The following KCNQ5 variants were observed in gnomAD, a reference collection of about 807,000 sequenced individuals.
KCNQ5 encodes the protein potassium voltage-gated channel subfamily Q member 5, also known as potassium voltage-gated channel subfamily KQT member 5.
In KCNQ5, 30 loss-of-function variants were observed where a neutral mutation model predicts 98.2. The observed-to-expected ratio is 0.31, with a 90% confidence interval of 0.23 to 0.41. The LOEUF is 0.41. KCNQ5 is among the 10% of genes least tolerant of loss of function. The pLI is 1.00. For synonymous variants in KCNQ5, 458 were observed against 449.4 expected, an observed-to-expected ratio of 1.02 and a Z score of -0.24; for missense variants, 835 against 1,182.5, an observed-to-expected ratio of 0.71 and a Z score of 4.31.
intron 10 of KCNQ5, among the ~76,000 whole-genome samples, chr6:73,158,484 C>A (rs1416220428): frequency 6.6e-6 from 1 of 152,152 alleles, no homozygotes; most frequent in Non-Finnish European, 1.5e-5. Flanking sequence ...CCAGGCTGGT[C>A]TCGAACTCCT....
At chr6:73,093,421 C>T (rs970303745) in intron 5 of KCNQ5, among the ~76,000 whole-genome samples, 1 of 152,030 alleles carries the variant, frequency 6.6e-6, no homozygotes, top group Non-Finnish European at 1.5e-5. Flanking sequence ...CTGCTCTGAT[C>T]GTGGTTATTT....
intron 10 of KCNQ5, among the ~76,000 whole-genome samples, chr6:73,165,038 G>A (rs1168146357): frequency 1.3e-5 from 2 of 151,926 alleles, no homozygotes; most frequent in East Asian, 3.9e-4. Flanking sequence ...GAGTGAAGCA[G>A]TACAATCATA....
intron 5 of KCNQ5, among the ~76,000 whole-genome samples, chr6:73,078,114 G>A (rs926142734): frequency 1.3e-5 from 2 of 151,118 alleles, no homozygotes; most frequent in African/African-American, 4.8e-5. Context: ...CTAGATTGTT[G>A]CCAAAATTAA....
intron 5 of KCNQ5, among the ~76,000 whole-genome samples, chr6:73,091,686 A>G (rs998356602): frequency 1.3e-5 from 2 of 150,760 alleles, no homozygotes; most frequent in African/African-American, 4.9e-5. Flanking sequence ...GTTTGAAATC[A>G]GGTAATGTGA....
intron 1 of KCNQ5, among the ~76,000 whole-genome samples, chr6:72,829,818 C>T (rs1776162066): frequency 6.6e-6 from 1 of 152,054 alleles, no homozygotes. Context: ...GAACGTTTTT[C>T]TAAGAGAGTA....
At chr6:73,077,013 T>C (rs561048559) in intron 3 of KCNQ5, among the ~76,000 whole-genome samples, 1 of 152,290 alleles carries the variant, frequency 6.6e-6, no homozygotes, top group East Asian at 1.9e-4. Flanking sequence ...CCCTGAAACC[T>C]TGGGTTTTTT....
chr6:73,124,216 TGGCTAATG>T (rs1342236375), intron 8 of KCNQ5, among the ~76,000 whole-genome samples: 1 of 152,228 alleles, frequency 6.6e-6, no homozygotes, highest in Non-Finnish European at 1.5e-5. Context: ...TGGATAGCTT[TGGCTAATG>T]AAAAGTCTAT....
intron 1 of KCNQ5, among the ~76,000 whole-genome samples, chr6:72,704,830 A>T (rs1437733313): frequency 6.6e-6 from 1 of 152,216 alleles, no homozygotes; most frequent in East Asian, 1.9e-4. Context: ...TTTAAAAGAT[A>T]ATTATAATGC....
At position 73,026,998 on chromosome 6, in the gene KCNQ5, C is replaced by A. The variant is rs972290734; in HGVS notation, c.490-14938C>A. Among the ~76,000 whole-genome samples, 3 of 152,092 alleles carry A rather than the reference C, an allele frequency of 2.0e-5. No individual in the cohort carries two copies. The East Asian group carries it at 5.8e-4, about 29-fold the overall frequency. Reference sequence around the variant, plus strand: ...CACCTTTTCTGCACTTTGTTCTGAGCGTCCCACTCTGACCAAATTAATGAT... The same window carrying A: ...CACCTTTTCTGCACTTTGTTCTGAGAGTCCCACTCTGACCAAATTAATGAT... On this transcript the variant is annotated intron_variant, in intron 2 of 13. Transcript: ENST00000370398.
intron 5 of KCNQ5, among the ~76,000 whole-genome samples, chr6:73,103,735 C>T (rs893717068): frequency 8.3e-5 from 10 of 121,022 alleles, no homozygotes; most frequent in Non-Finnish European, 1.4e-4. Flanking sequence ...GAGAGGGAAG[C>T]GGAGATGGTT....
chr6:73,118,747 C>T (rs1775614498), intron 7 of KCNQ5, among the ~76,000 whole-genome samples: 1 of 152,172 alleles, frequency 6.6e-6, no homozygotes, highest in African/African-American at 2.4e-5. Flanking sequence ...GTCTGCCAGG[C>T]ATGGTGGCTC....
chr6:72,636,666 G>A (rs1463154949), intron 1 of KCNQ5, among the ~76,000 whole-genome samples: 1 of 152,166 alleles, frequency 6.6e-6, no homozygotes, highest in Non-Finnish European at 1.5e-5. Flanking sequence ...ATTCTTCAAT[G>A]TTTGTTTAAT....
intron 1 of KCNQ5, among the ~76,000 whole-genome samples, chr6:72,933,308 G>T (rs1434106541): frequency 6.6e-6 from 1 of 152,140 alleles, no homozygotes; most frequent in Non-Finnish European, 1.5e-5. Flanking sequence ...GCCTTTCCTG[G>T]CCGGAATGTT....
intron 5 of KCNQ5, among the ~76,000 whole-genome samples, chr6:73,085,598 T>G (rs1162232549): frequency 6.6e-6 from 1 of 152,122 alleles, no homozygotes; most frequent in East Asian, 1.9e-4. Flanking sequence ...AGGGAGAAAG[T>G]GGGCAGGGTC....
Position 72,889,668 on chromosome 6 carries a change from T to A in KCNQ5, c.399-114240T>A, listed in dbSNP as rs569264016. Among the ~76,000 whole-genome samples the A allele has an allele frequency of 3.6e-4, 55 of 152,270 alleles. 2 individuals carry two copies. In the South Asian group the frequency reaches 0.011, roughly 31 times the overall value. ...GCACAAAGAAGAGAACACAGAAATATTTTAGTCAATTACCAAATGGTAAGC... is the reference window on the plus strand; with the variant it reads ...GCACAAAGAAGAGAACACAGAAATAATTTAGTCAATTACCAAATGGTAAGC... On this transcript the variant is annotated intron_variant, in intron 1 of 13. Transcript: ENST00000370398.
At chr6:72,710,744 G>A (rs1769324594) in intron 1 of KCNQ5, among the ~76,000 whole-genome samples, 1 of 152,038 alleles carries the variant, frequency 6.6e-6, no homozygotes, top group Non-Finnish European at 1.5e-5. Context: ...AATAATAGTG[G>A]GGGACATCAA....
intron 1 of KCNQ5, among the ~76,000 whole-genome samples, chr6:72,739,184 A>G (rs1771004145): frequency 6.6e-6 from 1 of 152,124 alleles, no homozygotes; most frequent in Non-Finnish European, 1.5e-5. Flanking sequence ...CTTTTGCTCA[A>G]TTTTGCTGTG....
At chr6:72,974,416 T>C (rs1181969540) in intron 1 of KCNQ5, among the ~76,000 whole-genome samples, 1 of 150,996 alleles carries the variant, frequency 6.6e-6, no homozygotes, top group Non-Finnish European at 1.5e-5. Flanking sequence ...GACTCTCTTA[T>C]GGCAAGAAGT....
At chr6:73,044,538 A>G (rs1356196400) in intron 3 of KCNQ5, among the ~76,000 whole-genome samples, 1 of 152,218 alleles carries the variant, frequency 6.6e-6, no homozygotes, top group Admixed American at 6.5e-5. Context: ...ATAGTGAAGC[A>G]TGTTCAAATG....
Sources: gnomAD v4.1 joint callset for allele counts (sites outside exome capture counted in the v4.1 genomes callset) on GRCh38, gnomAD v4.1.1 for gene constraint, MANE v1.5 for transcripts, NCBI Gene and HGNC (gene_info 2026-07-23, HGNC 2026-07-21) for gene names.